MACROD2: variants seen among roughly 807,000 people sequenced by gnomAD.
MACROD2 encodes the protein ADP-ribose glycohydrolase MACROD2.
Under a neutral mutation model 70.4 loss-of-function variants are expected in MACROD2, and 36 were observed. The ratio of observed to expected loss-of-function variants is 0.51; its 90% CI spans 0.39 to 0.68. The LOEUF is 0.68. Ranked by LOEUF, MACROD2 falls within the 30% of genes least tolerant of loss-of-function variation. The pLI is 0.00. For missense variants in MACROD2, 496 were observed against 538.4 expected (o/e 0.92, Z 0.78); for synonymous variants, 172 against 178.8 (o/e 0.96, Z 0.30).
chr20:15,702,733 C>A (rs2050478182), intron 8 of MACROD2, among the ~76,000 whole-genome samples: 1 of 152,104 alleles, frequency 6.6e-6, no homozygotes, highest in Non-Finnish European at 1.5e-5. Context: ...GCCATAAATT[C>A]TTTGCCAAGG....
chr20:15,135,482 G>T (rs1324060143), intron 5 of MACROD2, among the ~76,000 whole-genome samples: 7 of 144,164 alleles, frequency 4.9e-5, no homozygotes, highest in African/African-American at 1.6e-4. Context: ...TATCTCAATA[G>T]ATGCAGAAAA....
intron 3 of MACROD2, among the ~76,000 whole-genome samples, chr20:14,159,360 A>G (rs2055151015): frequency 6.6e-6 from 1 of 152,204 alleles, no homozygotes; most frequent in African/African-American, 2.4e-5. Context: ...TTCCCATCCA[A>G]GAGCATAGGA....
At chr20:14,223,525 T>G (rs1601367524) in intron 3 of MACROD2, among the ~76,000 whole-genome samples, 1 of 95,216 alleles carries the variant, frequency 1.1e-5, no homozygotes. Context: ...TTTTTTTTTT[T>G]GAGACGGAGT....
At chr20:15,061,784 A>G (rs2075534941) in intron 5 of MACROD2, among the ~76,000 whole-genome samples, 1 of 152,246 alleles carries the variant, frequency 6.6e-6, no homozygotes, top group African/African-American at 2.4e-5. Context: ...ACTAAATTAT[A>G]GATTTCCCTG....
chr20:15,312,006 A>G (rs2077758112), intron 6 of MACROD2, among the ~76,000 whole-genome samples: 1 of 152,222 alleles, frequency 6.6e-6, no homozygotes, highest in African/African-American at 2.4e-5. Flanking sequence ...TAGTAGCCAA[A>G]GAGAATATCA....
At chr20:15,885,668 C>T in intron 9 of MACROD2, 96 bp from the exon 10 acceptor site, 1 of 1,137,256 alleles carries the variant, frequency 8.8e-7, no homozygotes, top group Non-Finnish European at 1.2e-6. Context: ...GATCTGTTAT[C>T]CCTTTCTTTG....
Position 14,493,498 on chromosome 20 carries a change from A to T in MACROD2, c.291A>T (p.Gly97=). The change falls in exon 4 of 18, where the codon GGA becomes GGT. Residue 97 remains glycine, a synonymous_variant. Transcript: ENST00000684519. The part of the protein sequence containing the change: ...IVNAANASLL[G]GGGVDGCIHR... The stretch of plus-strand genomic sequence containing the variant: ...AAACAGCAAATGCCAGTCTTCTTGG[A>T]GGAGGAGGTGGTAAGTCCTGAACAT... The T allele has an allele frequency of 1.2e-6, 2 of 1,608,252 alleles. No homozygotes were observed.
intron 13 of MACROD2, among the ~76,000 whole-genome samples, chr20:15,978,583 TC>T (rs1177155635): frequency 1.6e-4 from 4 of 25,584 alleles, no homozygotes; most frequent in African/African-American, 5.3e-4. Flanking sequence ...TGACCTTGGG[TC>T]TCTCTCTCTC....
At chr20:15,173,687 T>C (rs1405817718) in intron 5 of MACROD2, among the ~76,000 whole-genome samples, 1 of 152,180 alleles carries the variant, frequency 6.6e-6, no homozygotes, top group African/African-American at 2.4e-5. Flanking sequence ...AGCTTGATAA[T>C]TGGGTATAAA....
intron 8 of MACROD2, among the ~76,000 whole-genome samples, chr20:15,811,102 T>G (rs1801050131): frequency 2.0e-5 from 3 of 151,886 alleles, no homozygotes; most frequent in African/African-American, 7.3e-5. Context: ...CTAATTAAAC[T>G]AAAGAGCTTC....
chr20:15,406,122 C>A (rs918438864), intron 6 of MACROD2, among the ~76,000 whole-genome samples: 1 of 152,138 alleles, frequency 6.6e-6, no homozygotes, highest in Non-Finnish European at 1.5e-5. Context: ...CCTTTCTCCT[C>A]TAAGTTGCCA....
At chr20:14,366,974 C>G (rs2083278919) in intron 3 of MACROD2, among the ~76,000 whole-genome samples, 1 of 152,022 alleles carries the variant, frequency 6.6e-6, no homozygotes, top group South Asian at 2.1e-4. Flanking sequence ...CCTTTTGTTC[C>G]TCATTTGCTT....
chr20:14,724,613 G>A (rs768579250), intron 5 of MACROD2, among the ~76,000 whole-genome samples: 1 of 152,152 alleles, frequency 6.6e-6, no homozygotes, highest in Non-Finnish European at 1.5e-5. Flanking sequence ...CTTTAAGAAG[G>A]AAATGAGAGA....
intron 8 of MACROD2, among the ~76,000 whole-genome samples, chr20:15,798,383 A>G (rs996335373): frequency 6.6e-6 from 1 of 152,192 alleles, no homozygotes; most frequent in Non-Finnish European, 1.5e-5. Flanking sequence ...ACTCTGGATC[A>G]GAACACCTAC....
intron 6 of MACROD2, among the ~76,000 whole-genome samples, chr20:15,278,961 C>T (rs961689606): frequency 6.6e-6 from 1 of 152,164 alleles, no homozygotes; most frequent in Non-Finnish European, 1.5e-5. Context: ...GCCCTGCTTT[C>T]GCCTTGCAGT....
At chr20:14,872,366 C>A (rs975533875) in intron 5 of MACROD2, among the ~76,000 whole-genome samples, 4 of 152,050 alleles carry the variant, frequency 2.6e-5, no homozygotes, top group African/African-American at 7.2e-5. Context: ...GGTCATATGA[C>A]CCCTTCTAAT....
At chr20:14,046,307 T>C (rs1439287176) in intron 2 of MACROD2, among the ~76,000 whole-genome samples, 1 of 152,132 alleles carries the variant, frequency 6.6e-6, no homozygotes, top group East Asian at 1.9e-4. Context: ...GAAAAACAAA[T>C]GTCATCCTAG....
chr20:14,533,852 A>G (rs1347991397), intron 4 of MACROD2, among the ~76,000 whole-genome samples: 1 of 152,116 alleles, frequency 6.6e-6, no homozygotes, highest in Non-Finnish European at 1.5e-5. Flanking sequence ...TTGGACATTC[A>G]TTTTTTGGAT....
chr20:15,584,504 C>T (rs2048569601), intron 8 of MACROD2, among the ~76,000 whole-genome samples: 1 of 151,792 alleles, frequency 6.6e-6, no homozygotes, highest in South Asian at 2.1e-4. Flanking sequence ...GACAATGAAA[C>T]TGAAAAAAAT....
Sources: allele counts gnomAD v4.1 joint callset (sites outside exome capture counted in the v4.1 genomes callset), GRCh38; gene constraint gnomAD v4.1.1; transcripts MANE v1.5; gene names NCBI Gene and HGNC (gene_info 2026-07-23, HGNC 2026-07-21).